Variants in ADAMTSL1 observed in about 807,000 individuals in gnomAD.
ADAMTSL1 encodes ADAMTS like 1, also known as ADAMTS-like protein 1.
Under a neutral mutation model 201.8 loss-of-function variants are expected in ADAMTSL1, and 126 were observed. That is an observed-to-expected ratio of 0.62 (90% CI 0.54 to 0.72). The LOEUF (loss-of-function observed/expected upper bound fraction) is 0.72. Ranked by LOEUF, ADAMTSL1 falls within the 30% of genes least tolerant of loss-of-function variation. ADAMTSL1 has a pLI of 0.00. For missense variants in ADAMTSL1, 2,679 were observed against 2,277.8 expected, an observed-to-expected ratio of 1.18 and a Z score of -3.59; for synonymous variants, 1,121 against 903.4, an observed-to-expected ratio of 1.24 and a Z score of -4.32.
At chr9:18,281,060 T>C (rs576393950) in intron 2 of ADAMTSL1, among the ~76,000 whole-genome samples, 1 of 151,962 alleles carries the variant, frequency 6.6e-6, no homozygotes. Context: ...ACATTTCTTG[T>C]AGAGACAGGT....
At chr9:18,405,950 G>A (rs112199935) in intron 2 of ADAMTSL1, among the ~76,000 whole-genome samples, 3 of 152,152 alleles carry the variant, frequency 2.0e-5, no homozygotes, top group Non-Finnish European at 4.4e-5. Context: ...CTATAGATAA[G>A]TTACCCACAT....
At chr9:18,204,623 C>G (rs949695440) in intron 2 of ADAMTSL1, among the ~76,000 whole-genome samples, 1 of 152,092 alleles carries the variant, frequency 6.6e-6, no homozygotes, top group African/African-American at 2.4e-5. Context: ...CCTAAACCAC[C>G]CTGCTCACTA....
chr9:17,935,014 T>C (rs1826948246), intron 1 of ADAMTSL1, among the ~76,000 whole-genome samples: 1 of 152,146 alleles, frequency 6.6e-6, no homozygotes, highest in South Asian at 2.1e-4. Flanking sequence ...CTCTTGTATA[T>C]TATGGTTATT....
intron 2 of ADAMTSL1, among the ~76,000 whole-genome samples, chr9:18,196,718 C>T (rs974568525): frequency 4.6e-5 from 7 of 152,084 alleles, no homozygotes; most frequent in Non-Finnish European, 8.8e-5. Context: ...GTGAATCTCT[C>T]CATTCTCATC....
At chr9:18,385,158 T>TG (rs1324265245) in intron 2 of ADAMTSL1, among the ~76,000 whole-genome samples, 1 of 152,196 alleles carries the variant, frequency 6.6e-6, no homozygotes, top group Admixed American at 6.5e-5. Context: ...GTGGAGAGTC[T>TG]GGGCTATTTT....
chr9:18,839,927 G>A (rs555500503), intron 23 of ADAMTSL1, among the ~76,000 whole-genome samples: 85 of 148,490 alleles, frequency 5.7e-4, no homozygotes, highest in African/African-American at 2.0e-3. Flanking sequence ...TGTAGATTCT[G>A]GATATTAGCC....
intron 2 of ADAMTSL1, among the ~76,000 whole-genome samples, chr9:18,450,376 T>C (rs1161889782): frequency 2.0e-5 from 3 of 152,148 alleles, no homozygotes; most frequent in African/African-American, 7.2e-5. Context: ...ACTTGATGTT[T>C]TTAAAAAAAC....
chr9:18,820,612 G>A lies in ADAMTSL1; in HGVS notation c.3934+3375G>A, dbSNP rs187168830. Among the ~76,000 whole-genome samples, 15 of 152,268 alleles carry A rather than the reference G, an allele frequency of 9.9e-5. No homozygotes were observed. In the East Asian group the frequency reaches 2.7e-3, roughly 27 times the overall value. Reference sequence around the variant, plus strand: ...TAATAGCCTATATTAAGAATATTATGTAATTTACCTAGACCAACTCACATG... The same window carrying A: ...TAATAGCCTATATTAAGAATATTATATAATTTACCTAGACCAACTCACATG... On this transcript the variant is annotated intron_variant, in intron 21 of 28. Transcript: ENST00000380548.
At chr9:18,644,284 T>C (rs570114403) in intron 7 of ADAMTSL1, among the ~76,000 whole-genome samples, 3 of 152,146 alleles carry the variant, frequency 2.0e-5, no homozygotes, top group East Asian at 3.9e-4. Flanking sequence ...GGATGCATTA[T>C]ATATTAATTT....
intron 1 of ADAMTSL1, among the ~76,000 whole-genome samples, chr9:18,161,590 G>A (rs1200821460): frequency 6.6e-6 from 1 of 152,010 alleles, no homozygotes; most frequent in Non-Finnish European, 1.5e-5. Flanking sequence ...TTCTCAAAAA[G>A]AGAATTGCAT....
At position 18,794,630 on chromosome 9, in the gene ADAMTSL1, T is replaced by TTTG. The variant is rs1172429778; in HGVS notation, c.3678-765_3678-764insGTT. Among the ~76,000 whole-genome samples, 8 of 141,934 alleles carry TTTG rather than the reference T, an allele frequency of 5.6e-5. No homozygotes were observed. In the South Asian group the frequency reaches 1.6e-3, roughly 29 times the overall value. 93.1% of individuals were successfully genotyped at this position (141,934 alleles called of 152,430 possible). ...TCTGTCTGGTTGTTTTTTGTTGTTT[T>TTTG]TTTTTGTTGTTGTTGTTTTTTGAGA... On this transcript the variant is annotated intron_variant, in intron 19 of 28. Transcript: ENST00000380548.
At chr9:18,615,785 A>T (rs1171732647) in intron 4 of ADAMTSL1, among the ~76,000 whole-genome samples, 2 of 152,142 alleles carry the variant, frequency 1.3e-5, no homozygotes, top group Non-Finnish European at 2.9e-5. Flanking sequence ...TTTGACAACT[A>T]TAGTCTATTG....
At chr9:18,260,262 C>T (rs1250485218) in intron 2 of ADAMTSL1, among the ~76,000 whole-genome samples, 3 of 152,246 alleles carry the variant, frequency 2.0e-5, no homozygotes, top group African/African-American at 4.8e-5. Flanking sequence ...TACTTTCACA[C>T]AGCTCAGAGC....
intron 20 of ADAMTSL1, among the ~76,000 whole-genome samples, chr9:18,805,093 A>G (rs1200027618): frequency 2.0e-5 from 3 of 152,022 alleles, no homozygotes; most frequent in East Asian, 1.9e-4. Context: ...GTTTTCTTGA[A>G]CTCTAATGGG....
intron 9 of ADAMTSL1, among the ~76,000 whole-genome samples, chr9:18,662,999 A>T (rs1829198204): frequency 6.6e-6 from 1 of 152,204 alleles, no homozygotes; most frequent in Non-Finnish European, 1.5e-5. Context: ...TCTCAATGTT[A>T]TTTTTTAAAA....
intron 19 of ADAMTSL1, among the ~76,000 whole-genome samples, chr9:18,786,171 G>C (rs1237951758): frequency 6.6e-6 from 1 of 152,196 alleles, no homozygotes; most frequent in Non-Finnish European, 1.5e-5. Context: ...GTCACTCCCA[G>C]GTGATACTCC....
chr9:18,129,471 G>A (rs1462329757), intron 1 of ADAMTSL1, among the ~76,000 whole-genome samples: 1 of 152,116 alleles, frequency 6.6e-6, no homozygotes, highest in African/African-American at 2.4e-5. Context: ...CCCCTGAGAA[G>A]ACCTGCTTAC....
chr9:18,137,821 TAAGA>T (rs970534037), intron 1 of ADAMTSL1, among the ~76,000 whole-genome samples: 1 of 152,182 alleles, frequency 6.6e-6, no homozygotes, highest in Non-Finnish European at 1.5e-5. Flanking sequence ...TCTAGGGTGC[TAAGA>T]ATTTGGTGCA....
chr9:18,172,804 G>C lies in ADAMTSL1; in HGVS notation c.207+8823G>C, dbSNP rs147137158. On this transcript the variant is annotated intron_variant, in intron 2 of 29. Transcript: ENST00000680146. ...TAACACATCTACATGTATTAAAATA[G>C]ATAGATTTCAAAAATAAAATATTCA... Among the ~76,000 whole-genome samples the C allele has an allele frequency of 3.9e-5, 6 of 152,078 alleles. No homozygotes were observed. In the East Asian group the frequency reaches 9.7e-4, roughly 25 times the overall value.
Sources: allele counts gnomAD v4.1 joint callset (sites outside exome capture counted in the v4.1 genomes callset), GRCh38; gene constraint gnomAD v4.1.1; transcripts MANE v1.5; gene names NCBI Gene and HGNC (gene_info 2026-07-23, HGNC 2026-07-21).